The following LIMK2 variants were observed in gnomAD, a reference collection of about 807,000 sequenced individuals.
LIMK2 encodes LIM domain kinase 2.
Under a neutral mutation model 75.7 loss-of-function variants are expected in LIMK2, and 35 were observed. The ratio of observed to expected loss-of-function variants is 0.46; its 90% CI spans 0.35 to 0.61. LIMK2 has a LOEUF of 0.61. Ranked by LOEUF, LIMK2 falls within the 20% of genes least tolerant of loss-of-function variation. The pLI is 0.00. For missense variants in LIMK2, 623 were observed against 831.0 expected (o/e 0.75, Z 3.08); for synonymous variants, 301 against 319.2 (o/e 0.94, Z 0.61).
intron 5 of LIMK2, 106 bp downstream of exon 5, chr22:31,260,183 C>T: frequency 1.1e-6 from 1 of 913,862 alleles, no homozygotes; most frequent in Non-Finnish European, 1.6e-6. Context: ...CCTTTATTCT[C>T]ATCTCATATC....
At chr22:31,275,399 G>A (rs1353693333) in intron 15 of LIMK2, 91 bp downstream of exon 15, 3 of 1,306,326 alleles carry the variant, frequency 2.3e-6, no homozygotes, top group Non-Finnish European at 2.1e-6. Flanking sequence ...CAAGCACAGG[G>A]GTGAGAGAAG....
intron 2 of LIMK2, 113 bp from the exon 3 acceptor site, chr22:31,258,178 C>A: frequency 1.7e-6 from 2 of 1,158,104 alleles, no homozygotes; most frequent in Non-Finnish European, 2.4e-6. Flanking sequence ...CCCATCTTGG[C>A]TTTGGATCAA....
intron 1 of LIMK2, among the ~76,000 whole-genome samples, chr22:31,219,734 G>A (rs951545755): frequency 6.6e-6 from 1 of 152,096 alleles, no homozygotes. Flanking sequence ...ACCATGCCCG[G>A]CTAATTTTTT....
At chr22:31,277,200 T>C (rs779329911) in intron 15 of LIMK2, 179 of 1,608,694 alleles carry the variant, frequency 1.1e-4, no homozygotes, top group Non-Finnish European at 1.4e-4. Context: ...CCCGACCTCG[T>C]AGCAACAGCA....
At chr22:31,228,231 A>G (rs1198969342) in intron 2 of LIMK2, among the ~76,000 whole-genome samples, 1 of 152,160 alleles carries the variant, frequency 6.6e-6, no homozygotes, top group Non-Finnish European at 1.5e-5. Flanking sequence ...AGCCTGACCA[A>G]CATGGTGAAA....
intron 2 of LIMK2, among the ~76,000 whole-genome samples, chr22:31,227,857 T>C (rs773365350): frequency 6.6e-6 from 1 of 152,178 alleles, no homozygotes; most frequent in Non-Finnish European, 1.5e-5. Flanking sequence ...ACTTCAGAAC[T>C]AGAAGAAACC....
intron 15 of LIMK2, chr22:31,277,738 G>A (rs2049046443): frequency 6.2e-6 from 1 of 162,462 alleles, no homozygotes; most frequent in Non-Finnish European, 1.3e-5. Flanking sequence ...ATTCTAGCAT[G>A]GTATCTACTG....
In LIMK2 at chr22:31,267,916, A is replaced by G. The variant is rs1178881551; in HGVS notation, c.1260+9A>G. ...ACTTTCTGCGCAGTATGGTGAGCACACCACCCCATAGTCTCCAGGAGCCTT... is the reference window on the plus strand; with the variant it reads ...ACTTTCTGCGCAGTATGGTGAGCACGCCACCCCATAGTCTCCAGGAGCCTT... On this transcript the variant is annotated intron_variant, in intron 10 of 15. Coordinates refer to ENST00000331728, the MANE Select transcript of LIMK2 (RefSeq NM_005569.4). The G allele has an allele frequency of 3.1e-6, 5 of 1,588,530 alleles. No individual in the cohort carries two copies. Among genetic ancestry groups the G allele is most frequent in the Non-Finnish European group, 4.3e-6 (5 of 1,169,292 alleles).
chr22:31,260,562 A>AT (rs2048828291), intron 5 of LIMK2, among the ~76,000 whole-genome samples: 1 of 152,198 alleles, frequency 6.6e-6, no homozygotes, highest in South Asian at 2.1e-4. Context: ...CCTATCCTAG[A>AT]TTCAGGCCAG....
Position 31,272,703 on chromosome 22 carries a change from C to G in LIMK2, c.1557C>G (p.Asn519Lys), listed in dbSNP as rs201696320. The G allele has an allele frequency of 3.7e-6, 6 of 1,601,152 alleles. No individual in the cohort carries two copies. Among genetic ancestry groups the G allele is most frequent in the Non-Finnish European group, 4.3e-6 (5 of 1,173,758 alleles). The change falls in exon 13 of 16, where the codon AAC (asparagine) becomes AAG (lysine). Residue 519 changes from asparagine to lysine, a missense_variant and splice_region_variant. By Grantham distance (94) the Asn-to-Lys change is moderately conservative. Coordinates refer to ENST00000331728, the MANE Select transcript of LIMK2 (RefSeq NM_005569.4). ...ACTGGATGGCCCCTGAGATGCTGAA[C>G]GGTGAGTCCTGAAGCCCTGGAGGGG... ...NPYWMAPEMLNGKSYDETVDI... is the reference protein window; with the variant it reads ...NPYWMAPEMLKGKSYDETVDI...
intron 4 of LIMK2, 71 bp from the exon 5 acceptor site, chr22:31,259,818 G>A: frequency 7.5e-7 from 1 of 1,335,220 alleles, no homozygotes; most frequent in South Asian, 1.4e-5. Context: ...AAAGCCACAT[G>A]GTGCAGTGGT....
chr22:31,225,639 A>G, intron 1 of LIMK2, 81 bp from the exon 2 acceptor site: 2 of 987,982 alleles, frequency 2.0e-6, no homozygotes, highest in South Asian at 1.4e-5. Context: ...CTGTTAACTC[A>G]GTCTTATTCT....
At chr22:31,278,208 C>A in intron 15 of LIMK2, 89 bp from the exon 16 acceptor site, 1 of 1,190,526 alleles carries the variant, frequency 8.4e-7, no homozygotes, top group Non-Finnish European at 1.2e-6. Context: ...GTTATACAAC[C>A]AGGAAGTAGC....
intron 2 of LIMK2, among the ~76,000 whole-genome samples, chr22:31,256,372 ACT>A (rs1411980665): frequency 1.5e-5 from 2 of 137,738 alleles, no homozygotes; most frequent in African/African-American, 5.4e-5. Context: ...ACAGAGTCTG[ACT>A]CTGTCACCCA....
At chr22:31,278,269 G>A (rs571962651) in intron 15 of LIMK2, 28 bp from the exon 16 acceptor site, 3 of 1,594,620 alleles carry the variant, frequency 1.9e-6, no homozygotes, top group East Asian at 2.2e-5. Flanking sequence ...TGTTCCACCT[G>A]CCTCTAATTT....
intron 15 of LIMK2, 121 bp from the exon 16 acceptor site, chr22:31,278,176 T>G: frequency 2.6e-6 from 2 of 778,376 alleles, no homozygotes; most frequent in Non-Finnish European, 4.2e-6. Flanking sequence ...GAGGCACTAC[T>G]AGGTGAAGGA....
Position 31,278,816 on chromosome 22 carries a change from C to G in LIMK2, c.*375C>G, listed in dbSNP as rs539989006. The G allele has an allele frequency of 1.2e-5, 2 of 162,486 alleles. No homozygotes were observed. Among genetic ancestry groups the G allele is most frequent in the Admixed American group, 1.3e-4 (2 of 15,922 alleles). The allele number at this position is 162,486 out of a possible 1,614,324, so 10.1% of individuals were successfully genotyped here. ...GTGACCTGGACCTGCTGGGCAGGAT[C>G]CCAGGGTGAACCTGCCTGTGAACTC... On this transcript the variant is annotated 3_prime_UTR_variant, in exon 16 of 16. Coordinates refer to ENST00000331728, the MANE Select transcript of LIMK2 (RefSeq NM_005569.4).
intron 9 of LIMK2, among the ~76,000 whole-genome samples, chr22:31,267,429 A>G (rs1460884302): frequency 6.6e-6 from 1 of 152,204 alleles, no homozygotes; most frequent in African/African-American, 2.4e-5. Context: ...GAGCTCCCTG[A>G]GCACTCACAC....
intron 2 of LIMK2, among the ~76,000 whole-genome samples, chr22:31,234,915 C>G (rs2048560133): frequency 6.6e-6 from 1 of 152,014 alleles, no homozygotes; most frequent in South Asian, 2.1e-4. Context: ...ACTCTGTTCA[C>G]TTAACTCCTG....
Sources: gnomAD v4.1 joint callset for allele counts (sites outside exome capture counted in the v4.1 genomes callset) on GRCh38, gnomAD v4.1.1 for gene constraint, MANE v1.5 for transcripts, NCBI Gene and HGNC (gene_info 2026-07-23, HGNC 2026-07-21) for gene names.